The following ASAP2 variants were observed in gnomAD, a reference collection of about 807,000 sequenced individuals.
ASAP2 encodes arf-GAP with SH3 domain, ANK repeat and PH domain-containing protein 2.
Under a neutral mutation model 131.4 loss-of-function variants are expected in ASAP2, and 45 were observed. The observed-to-expected ratio is 0.34, with a 90% CI of 0.27 to 0.44. The LOEUF (loss-of-function observed/expected upper bound fraction) is 0.44, where lower values mean the gene tolerates loss of function less well. Ranked by LOEUF, ASAP2 falls within the 20% of genes least tolerant of loss-of-function variation. The pLI is 1.00. For synonymous variants in ASAP2, 510 were observed against 503.0 expected (o/e 1.01, Z -0.19); for missense variants, 1,011 against 1,297.0 (o/e 0.78, Z 3.39).
At chr2:9,256,889 C>T (rs1046513105) in intron 1 of ASAP2, among the ~76,000 whole-genome samples, 1 of 152,222 alleles carries the variant, frequency 6.6e-6, no homozygotes, top group African/African-American at 2.4e-5. Context: ...TCCTGTCCAC[C>T]CTCAGTCCTT....
chr2:9,333,071 G>A (rs550535284), intron 7 of ASAP2, among the ~76,000 whole-genome samples: 2 of 152,274 alleles, frequency 1.3e-5, no homozygotes, highest in African/African-American at 2.4e-5. Context: ...TTTTCACGGC[G>A]CCTTCTGTGT....
At chr2:9,291,018 T>G (rs1425587579) in intron 2 of ASAP2, among the ~76,000 whole-genome samples, 4 of 152,234 alleles carry the variant, frequency 2.6e-5, no homozygotes, top group African/African-American at 9.6e-5. Context: ...AAATTGAGAC[T>G]AAATATCTAA....
At chr2:9,394,079 C>A (rs1255183229) in intron 24 of ASAP2, among the ~76,000 whole-genome samples, 1 of 151,970 alleles carries the variant, frequency 6.6e-6, no homozygotes, top group Non-Finnish European at 1.5e-5. Flanking sequence ...TGTAGAAACA[C>A]CACCCAATCC....
intron 1 of ASAP2, among the ~76,000 whole-genome samples, chr2:9,272,138 G>C (rs1388703305): frequency 1.3e-5 from 2 of 152,232 alleles, no homozygotes; most frequent in East Asian, 3.9e-4. Context: ...CCTCCATACT[G>C]TTCTCCATAG....
rs905528487 is a variant in ASAP2 at position 9,354,959 on chromosome 2, C to T, written c.1112-1088C>T. Among the ~76,000 whole-genome samples, 2 of 152,160 alleles carry T rather than the reference C, an allele frequency of 1.3e-5. 1 individual carries two copies. Among genetic ancestry groups the T allele is most frequent in the South Asian group, 4.1e-4 (2 of 4,826 alleles). ...TCTGCAAAAGCTGGATTCCCCTGCCCCTGCTTTTCTTTATTAAATATAATT... is the reference window on the plus strand; with the variant it reads ...TCTGCAAAAGCTGGATTCCCCTGCCTCTGCTTTTCTTTATTAAATATAATT... On this transcript the variant is annotated intron_variant, in intron 12 of 27. Transcript: ENST00000281419.
intron 1 of ASAP2, among the ~76,000 whole-genome samples, chr2:9,227,315 G>A (rs1662846618): frequency 6.6e-6 from 1 of 152,164 alleles, no homozygotes; most frequent in Admixed American, 6.5e-5. Flanking sequence ...TGCAGTGCCT[G>A]ACGCATGAGT....
In ASAP2 at chr2:9,378,872, C is replaced by G. The variant is rs574699626; in HGVS notation, c.1833-72C>G. On this transcript the variant is annotated intron_variant, in intron 18 of 27. Transcript: ENST00000281419. ...CTTTCCTGTGCCCGTAGCCCAGGCT[C>G]CCTGCCGGGCAGTCCCTGGTCGTCC... is the stretch of plus-strand genomic sequence containing the variant. The G allele has an allele frequency of 1.2e-5, 14 of 1,121,718 alleles. No homozygotes were observed. The East Asian group carries it at 3.3e-4, about 27-fold the overall frequency. 69.5% of individuals were successfully genotyped at this position (1,121,718 alleles called of 1,614,324 possible).
chr2:9,374,718 C>T, intron 16 of ASAP2, 37 bp from the exon 17 acceptor site: 1 of 1,554,070 alleles, frequency 6.4e-7, no homozygotes, highest in Non-Finnish European at 8.7e-7. Context: ...GGGTAGAAGC[C>T]CTTCATGATT....
intron 3 of ASAP2, among the ~76,000 whole-genome samples, chr2:9,303,290 T>C (rs1237233802): frequency 6.6e-6 from 1 of 152,232 alleles, no homozygotes; most frequent in Non-Finnish European, 1.5e-5. Context: ...GGATTAGTCC[T>C]GGACTATTAT....
rs7562705 is a variant in ASAP2 at position 9,290,467 on chromosome 2, C to T, written c.200-6833C>T. Among the ~76,000 whole-genome samples the T allele has an allele frequency of 5.5e-3, 838 of 152,324 alleles. 8 individuals are homozygous for T. Among genetic ancestry groups the T allele is most frequent in the African/African-American group, 0.015 (617 of 41,570 alleles). ...TCAAGAGATCTGCCCATCTCGGCCT[C>T]CCAAAGTGCTGGGATTACAGGCGTG... On this transcript the variant is annotated intron_variant, in intron 2 of 27. Transcript: ENST00000281419.
chr2:9,379,866 C>T lies in ASAP2; in HGVS notation c.1948+807C>T, dbSNP rs190237864. On this transcript the variant is annotated intron_variant, in intron 19 of 27. Coordinates refer to ENST00000281419, the MANE Select transcript of ASAP2 (RefSeq NM_003887.3). ...AATTAGCCGGGTATGGTGGCGCGCACCTGTAGGCCCAGCTACTTGGGAGGC... is the reference window on the plus strand; with the variant it reads ...AATTAGCCGGGTATGGTGGCGCGCATCTGTAGGCCCAGCTACTTGGGAGGC... Among the ~76,000 whole-genome samples, 119 of 152,048 alleles carry T rather than the reference C, an allele frequency of 7.8e-4. 1 individual carries two copies. Among genetic ancestry groups the T allele is most frequent in the Admixed American group, 2.0e-3 (30 of 15,278 alleles).
At chr2:9,350,221 G>A (rs547176127) in intron 11 of ASAP2, among the ~76,000 whole-genome samples, 1 of 152,148 alleles carries the variant, frequency 6.6e-6, no homozygotes, top group East Asian at 1.9e-4. Flanking sequence ...GGGTTTGGGG[G>A]TTACAGATGT....
At chr2:9,328,621 G>T (rs1670628586) in intron 7 of ASAP2, among the ~76,000 whole-genome samples, 1 of 152,206 alleles carries the variant, frequency 6.6e-6, no homozygotes, top group Non-Finnish European at 1.5e-5. Context: ...ACGTGCAGGG[G>T]CTGCTCAAGT....
chr2:9,272,960 A>G (rs1225983899), intron 1 of ASAP2, among the ~76,000 whole-genome samples: 2 of 152,182 alleles, frequency 1.3e-5, no homozygotes, highest in African/African-American at 4.8e-5. Context: ...GCTCTATAGT[A>G]TAATTTAAGT....
intron 3 of ASAP2, among the ~76,000 whole-genome samples, chr2:9,304,937 G>A (rs191320796): frequency 1.3e-5 from 2 of 150,984 alleles, no homozygotes; most frequent in East Asian, 3.9e-4. Context: ...GGAGTAGTGA[G>A]GTATAGATAT....
rs753245120 is a variant in ASAP2, at chr2:9,391,167, C to T, written c.2489C>T (p.Pro830Leu). The change falls in exon 23 of 28, where the codon CCG becomes CTG. Residue 830 changes from proline to leucine, a missense_variant. Physicochemically the swap from Pro to Leu is moderately conservative, Grantham distance 98 (BLOSUM62 -3). Around this residue, in one of 2 missense-constraint regions of ASAP2, gnomAD observed 652 missense variants for 698.9 expected, o/e 0.93. Coordinates refer to ENST00000281419, the MANE Select transcript of ASAP2 (RefSeq NM_003887.3). ...SSSDPPAVHPPLPPLRVTSTN... is the reference protein window; with the variant it reads ...SSSDPPAVHPLLPPLRVTSTN... The stretch of plus-strand genomic sequence containing the variant: ...TCAGATCCGCCAGCTGTCCATCCAC[C>T]GCTGCCCCCTCTTCGCGTGACATCT... 3.7e-6 allele frequency: 6 copies of T among 1,613,970 alleles called. No individual in the cohort carries two copies. Among genetic ancestry groups the T allele is most frequent in the Admixed American group, 3.3e-5 (2 of 59,974 alleles).
chr2:9,235,316 G>A (rs894023038), intron 1 of ASAP2, among the ~76,000 whole-genome samples: 8 of 151,790 alleles, frequency 5.3e-5, no homozygotes, highest in Non-Finnish European at 1.2e-4. Flanking sequence ...CCCGGGCAGA[G>A]TTGTTTTCTT....
chr2:9,362,692 A>G (rs1673188536), intron 15 of ASAP2, among the ~76,000 whole-genome samples: 1 of 152,022 alleles, frequency 6.6e-6, no homozygotes, highest in African/African-American at 2.4e-5. Context: ...ATTTTTTAAA[A>G]CTAGCTGGGA....
rs1190509120 is a variant in ASAP2 at position 9,207,149 on chromosome 2, T to C, written c.45T>C (p.His15=). 19 of 1,604,670 alleles carry C rather than the reference T, an allele frequency of 1.2e-5. No homozygotes were observed. The highest frequency in any genetic ancestry group is 1.2e-5 in the Non-Finnish European group (14 of 1,176,118). Residue 15 remains histidine, a synonymous_variant, in exon 1 of 28, where the codon CAT becomes CAC. Coordinates refer to ENST00000281419, the MANE Select transcript of ASAP2 (RefSeq NM_003887.3). This position sits in a 1 kb window ranked among gnomAD's most constrained non-coding sequence, Gnocchi z 4.1. ...TGTCGGAATTCGTGGCCGAGACCCA[T>C]GAGGACTACAAGGCGCCCACGGCCT... The part of the protein sequence containing the change: ...ISVSEFVAET[H]EDYKAPTASS...
Sources: gnomAD v4.1 joint callset for allele counts (sites outside exome capture counted in the v4.1 genomes callset) on GRCh38, gnomAD v4.1.1 for gene constraint, gnomAD v4.1.1 regional missense constraint, Gnocchi (gnomAD v3.1) non-coding constraint, MANE v1.5 for transcripts, NCBI Gene and HGNC (gene_info 2026-07-23, HGNC 2026-07-21) for gene names.